CLMN: variants seen among roughly 807,000 people sequenced by gnomAD.
The protein encoded by CLMN is calmin.
In CLMN, 57 loss-of-function variants were observed where a neutral mutation model predicts 92.7. The ratio of observed to expected loss-of-function variants is 0.61; its 90% CI spans 0.50 to 0.77. The LOEUF is 0.77. Ranked by LOEUF, CLMN falls within the 30% of genes least tolerant of loss-of-function variation. The pLI, the probability that CLMN is intolerant of heterozygous loss-of-function variation, is 0.00. For synonymous variants in CLMN, 466 were observed against 470.6 expected, an observed-to-expected ratio of 0.99 and a Z score of 0.13; for missense variants, 1,158 against 1,237.5, an observed-to-expected ratio of 0.94 and a Z score of 0.96.
chr14:95,224,507 T>C (rs1897650673), intron 2 of CLMN, among the ~76,000 whole-genome samples: 1 of 152,104 alleles, frequency 6.6e-6, no homozygotes, highest in African/African-American at 2.4e-5. Flanking sequence ...GGTCTCGAAC[T>C]CCTGACCTCA....
At position 95,203,785 on chromosome 14, in the gene CLMN, T is replaced by TA; in HGVS notation, c.1563_1564insT (p.Ser522Ter). 2 of 1,614,158 alleles carry TA rather than the reference T, an allele frequency of 1.2e-6. No individual in the cohort carries two copies. Among genetic ancestry groups the TA allele is most frequent in the Non-Finnish European group, 8.5e-7 (1 of 1,179,982 alleles). ...TCTCCTGGGGGTGAAAGAGAGTGAC[T>TA]TTCTTCATCGTGGCGGGCTGTACTC... On this transcript the variant is annotated frameshift_variant, in exon 9 of 13. Transcript: ENST00000298912. LOFTEE classifies it high-confidence loss of function.
At chr14:95,289,598 G>C (rs1019369312) in intron 1 of CLMN, among the ~76,000 whole-genome samples, 21 of 152,132 alleles carry the variant, frequency 1.4e-4, no homozygotes, top group Admixed American at 1.2e-3. Context: ...AGGAGAAAAG[G>C]GTTGATAACA....
At chr14:95,244,499 C>G (rs778456531) in intron 1 of CLMN, among the ~76,000 whole-genome samples, 1 of 152,124 alleles carries the variant, frequency 6.6e-6, no homozygotes, top group Admixed American at 6.5e-5. Flanking sequence ...ATTTCTAGTT[C>G]CTCCAAAACT....
chr14:95,245,262 T>TATATTATATATATATATATA (rs1898495821), intron 1 of CLMN, among the ~76,000 whole-genome samples: 8 of 43,006 alleles, frequency 1.9e-4, no homozygotes, highest in African/African-American at 1.1e-3. Context: ...ATAATATATA[T>TATATTATATATATATATATA]ATATATATTA....
At chr14:95,235,392 A>G (rs1898018906) in intron 1 of CLMN, among the ~76,000 whole-genome samples, 1 of 152,194 alleles carries the variant, frequency 6.6e-6, no homozygotes. Flanking sequence ...GATGATTAGC[A>G]TCATTTTTTG....
At chr14:95,248,068 T>C (rs187714838) in intron 1 of CLMN, among the ~76,000 whole-genome samples, 17 of 149,834 alleles carry the variant, frequency 1.1e-4, no homozygotes, top group African/African-American at 3.9e-4. Flanking sequence ...TGGTTACAAT[T>C]AAAAGCAGCT....
chr14:95,261,832 A>G (rs1899270021), intron 1 of CLMN, among the ~76,000 whole-genome samples: 1 of 152,224 alleles, frequency 6.6e-6, no homozygotes, highest in African/African-American at 2.4e-5. Context: ...CCCTGCAGCA[A>G]GAACCTGGAA....
intron 12 of CLMN, 88 bp downstream of exon 12, chr14:95,193,760 TG>T (rs755533369): frequency 6.8e-7 from 1 of 1,471,220 alleles, no homozygotes. Flanking sequence ...AACAAAGCAG[TG>T]GGAGAATAAC....
chr14:95,184,550 A>T lies in CLMN; in HGVS notation c.*7014T>A, dbSNP rs1318777467. 6.6e-6 allele frequency: 1 copy of T among 152,202 alleles called. No individual in the cohort carries two copies. Among genetic ancestry groups the T allele is most frequent in the African/African-American group, 2.4e-5 (1 of 41,440 alleles). The allele number at this position is 152,202 out of a possible 1,614,324, so 9.4% of individuals were successfully genotyped here. ...TGTTGCTCCAGCCCTGGCTGGGAGG[A>T]ACTGCTTGCTTGATGTGTTCTCATC... On this transcript the variant is annotated 3_prime_UTR_variant, in exon 13 of 13. Transcript: ENST00000298912.
At chr14:95,250,159 A>G (rs1898726178) in intron 1 of CLMN, among the ~76,000 whole-genome samples, 1 of 152,254 alleles carries the variant, frequency 6.6e-6, no homozygotes, top group Admixed American at 6.5e-5. Context: ...GAACTGGGCC[A>G]GGCTGTCTCT....
At chr14:95,299,509 G>A (rs565602624) in intron 1 of CLMN, among the ~76,000 whole-genome samples, 2 of 152,326 alleles carry the variant, frequency 1.3e-5, no homozygotes, top group East Asian at 3.9e-4. Flanking sequence ...AGACACAGGA[G>A]GATGAGAGCA....
At chr14:95,198,011 C>T (rs949064642) in intron 9 of CLMN, among the ~76,000 whole-genome samples, 1 of 150,762 alleles carries the variant, frequency 6.6e-6, no homozygotes, top group Non-Finnish European at 1.5e-5. Flanking sequence ...TTTTCTAGTC[C>T]CTTTGGCTGG....
intron 1 of CLMN, among the ~76,000 whole-genome samples, chr14:95,250,461 C>A (rs1160726771): frequency 6.6e-6 from 1 of 152,230 alleles, no homozygotes; most frequent in African/African-American, 2.4e-5. Flanking sequence ...CAAAACTCTT[C>A]CAACTCCATT....
intron 6 of CLMN, among the ~76,000 whole-genome samples, chr14:95,212,396 T>C (rs898054703): frequency 2.6e-5 from 4 of 152,178 alleles, no homozygotes; most frequent in African/African-American, 9.7e-5. Context: ...TTTGTGCCCA[T>C]GGTCCAGGGG....
At chr14:95,218,535 T>C (rs1168484967) in intron 4 of CLMN, among the ~76,000 whole-genome samples, 1 of 152,228 alleles carries the variant, frequency 6.6e-6, no homozygotes, top group East Asian at 1.9e-4. Flanking sequence ...GGGCACCGCT[T>C]TAGCTCAGCA....
At chr14:95,258,277 G>A (rs1899088221) in intron 1 of CLMN, among the ~76,000 whole-genome samples, 1 of 150,530 alleles carries the variant, frequency 6.6e-6, no homozygotes, top group African/African-American at 2.5e-5. Flanking sequence ...ACATGTGGGG[G>A]CGTGTGTGTG....
intron 1 of CLMN, among the ~76,000 whole-genome samples, chr14:95,298,106 G>A (rs927903348): frequency 6.6e-6 from 1 of 151,986 alleles, no homozygotes; most frequent in Admixed American, 6.6e-5. Flanking sequence ...CAGAATTCTC[G>A]ACTCTCCCAG....
At chr14:95,204,605 A>T (rs1896995888) in intron 8 of CLMN, 142 bp from the exon 9 acceptor site, 1 of 767,582 alleles carries the variant, frequency 1.3e-6, no homozygotes, top group East Asian at 2.7e-5. Flanking sequence ...CAAAAATGGA[A>T]AAAGCCACTT....
intron 1 of CLMN, among the ~76,000 whole-genome samples, chr14:95,315,550 C>T (rs1012722836): frequency 2.0e-5 from 3 of 152,240 alleles, no homozygotes; most frequent in Admixed American, 6.5e-5. Context: ...AGAAAGTGGG[C>T]CACATGGGCC....
Sources: gnomAD v4.1 joint callset for allele counts (sites outside exome capture counted in the v4.1 genomes callset) on GRCh38, gnomAD v4.1.1 for gene constraint, MANE v1.5 for transcripts, NCBI Gene and HGNC (gene_info 2026-07-23, HGNC 2026-07-21) for gene names.